The following PLCH2 variants were observed in gnomAD, a reference collection of about 807,000 sequenced individuals.
PLCH2 encodes phospholipase C eta 2.
Under a neutral mutation model 134.7 loss-of-function variants are expected in PLCH2, and 98 were observed. That is an observed-to-expected ratio of 0.73 (90% CI 0.62 to 0.86). The LOEUF is 0.86. Ranked by LOEUF, PLCH2 falls within the 40% of genes least tolerant of loss-of-function variation. The pLI, the probability that PLCH2 is intolerant of heterozygous loss-of-function variation, is 0.00. For synonymous variants in PLCH2, 974 were observed against 827.5 expected (o/e 1.18, Z -3.04); for missense variants, 1,994 against 1,986.6 (o/e 1.00, Z -0.07).
In PLCH2 at chr1:2,497,608, G is replaced by A; in HGVS notation, c.2223G>A (p.Gln741=). The change falls in exon 16 of 22, where the codon CAG becomes CAA. Residue 741 remains glutamine (Q), a splice_region_variant and synonymous_variant. Coordinates refer to ENST00000378486, the MANE Select transcript of PLCH2 (RefSeq NM_014638.4). ...GYVLKPGCMC[Q]GVFNPNSEDP... is the part of the protein sequence containing the mutation. ...TACTCAAGCCTGGGTGCATGTGCCA[G>A]GGTGAGGCACTCGGACACTCAGGGC... 1 of 1,550,880 alleles carries A rather than the reference G, an allele frequency of 6.4e-7. No homozygotes were observed. Among genetic ancestry groups the A allele is most frequent in the Non-Finnish European group, 8.7e-7 (1 of 1,145,288 alleles).
chr1:2,473,177 AAAGG>A (rs1433067750), upstream of PLCH2, among the ~76,000 whole-genome samples: 2 of 152,160 alleles, frequency 1.3e-5, no homozygotes, highest in East Asian at 3.9e-4. Context: ...CCTTGGGAAG[AAAGG>A]AAGGGGCTGC....
chr1:2,484,334 G>A (rs1333614676), intron 4 of PLCH2, 114 bp from the exon 5 acceptor site: 6 of 989,484 alleles, frequency 6.1e-6, no homozygotes, highest in Non-Finnish European at 7.6e-6. Context: ...GTGGAGTAGA[G>A]GAGGGTGGGC....
At chr1:2,463,652 G>A (rs904944732), upstream of PLCH2, among the ~76,000 whole-genome samples, 18 of 152,202 alleles carry the variant, frequency 1.2e-4, no homozygotes, top group Admixed American at 3.3e-4. Context: ...GTCAGAGCCC[G>A]CGACCCGAGA....
chr1:2,494,196 C>A (rs1570463105), intron 11 of PLCH2, among the ~76,000 whole-genome samples: 1 of 152,162 alleles, frequency 6.6e-6, no homozygotes, highest in South Asian at 2.1e-4. Flanking sequence ...CAGGTGGTGG[C>A]ACAGGCTCTG....
upstream of PLCH2, among the ~76,000 whole-genome samples, chr1:2,464,717 GATGCTGGGTGGT>G (rs1640975805): frequency 6.6e-6 from 1 of 152,230 alleles, no homozygotes; most frequent in Non-Finnish European, 1.5e-5. Flanking sequence ...ACCCCTGTGA[GATGCTGGGTGGT>G]GCCCTGCCTG....
chr1:2,432,132 G>T (rs946566406), intron 2 of PLCH2, among the ~76,000 whole-genome samples: 5 of 152,206 alleles, frequency 3.3e-5, no homozygotes, highest in Non-Finnish European at 5.9e-5. Context: ...GGCCATGGCT[G>T]CCCACAGTGA....
chr1:2,424,876 C>T (rs1466817229), upstream of PLCH2, among the ~76,000 whole-genome samples: 6 of 152,144 alleles, frequency 3.9e-5, no homozygotes, highest in Admixed American at 3.9e-4. Context: ...GTCCCAGTTA[C>T]TCGGGAGGCT....
rs944623651 is a variant in PLCH2, at chr1:2,498,217, CCA to C, written c.2225-305_2225-304del. The C allele has an allele frequency of 1.2e-5, 5 of 406,338 alleles. No individual in the cohort carries two copies. Among genetic ancestry groups the C allele is most frequent in the Non-Finnish European group, 2.2e-5 (5 of 223,558 alleles). The allele number at this position is 406,338 out of a possible 1,614,324, so 25.2% of individuals were successfully genotyped here. A position where few individuals can be genotyped will look rare whatever the true frequency, so the allele number is the denominator to read the frequency against. ...TGAGTGGGCCCTGGGGACACTGTCA[CCA>C]GAGACCCCACCCCTCATACCCCCAG... On this transcript the variant is annotated intron_variant, in intron 16 of 21. Coordinates refer to ENST00000378486, the MANE Select transcript of PLCH2 (RefSeq NM_014638.4). The surrounding 1 kb of genome is among the most constrained non-coding windows in gnomAD (Gnocchi z 5.4).
intron 5 of PLCH2, 86 bp from the exon 6 acceptor site, chr1:2,486,821 A>T: frequency 1.0e-6 from 1 of 990,060 alleles, no homozygotes; most frequent in South Asian, 1.4e-5. Context: ...AGAGACAGGC[A>T]GGGGACAGTG....
chr1:2,505,123 C>T lies in PLCH2; in HGVS notation c.4161C>T (p.His1387=), dbSNP rs367939297. Residue 1387 remains histidine, a synonymous_variant, in exon 22 of 22, where the codon CAC becomes CAT. Transcript: ENST00000378486. The part of the protein sequence containing the change: ...GTPEGACSVG[H]EGSVDAPAPS... ...CCGAGGGCGCCTGCTCCGTGGGCCACGAGGGCAGTGTGGATGCACCAGCAC... is the reference window on the plus strand; with the variant it reads ...CCGAGGGCGCCTGCTCCGTGGGCCATGAGGGCAGTGTGGATGCACCAGCAC... 1.4e-4 allele frequency: 221 copies of T among 1,550,040 alleles called. 1 individual carries two copies. In the African/African-American group the frequency reaches 2.2e-3, roughly 15 times the overall value.
Position 2,505,209 on chromosome 1 carries a change from T to C in PLCH2, c.4247T>C (p.Leu1416Pro). 6.4e-7 allele frequency: 1 copy of C among 1,568,118 alleles called. No individual in the cohort carries two copies. Among genetic ancestry groups the C allele is most frequent in the Non-Finnish European group, 8.6e-7 (1 of 1,166,612 alleles). Residue 1416 changes from leucine (L) to proline (P), a missense_variant, in exon 22 of 22, where the codon CTC becomes CCC. Physicochemically the swap from Leu to Pro is moderately conservative, Grantham distance 98 (BLOSUM62 -3). Coordinates refer to ENST00000378486, the MANE Select transcript of PLCH2 (RefSeq NM_014638.4). Reference sequence around the variant, plus strand: ...GCTGAAAACCTGGTCCTGCTCCGCCTCTGACCGTCAGTGGTGGGAACCTGG... The same window carrying C: ...GCTGAAAACCTGGTCCTGCTCCGCCCCTGACCGTCAGTGGTGGGAACCTGG... The part of the protein sequence containing the change: ...AAAENLVLLR[L>P]
upstream of PLCH2, among the ~76,000 whole-genome samples, chr1:2,472,312 A>G (rs1393105426): frequency 6.6e-6 from 1 of 152,126 alleles, no homozygotes; most frequent in Non-Finnish European, 1.5e-5. Context: ...ATCTCCAGTG[A>G]GCACTGTGGC....
At chr1:2,473,371 C>T (rs370456551), upstream of PLCH2, among the ~76,000 whole-genome samples, 27 of 152,332 alleles carry the variant, frequency 1.8e-4, no homozygotes, top group Admixed American at 3.9e-4. Flanking sequence ...CATTCCTCTG[C>T]GTGTCACCGT....
intron 4 of PLCH2, 71 bp from the exon 5 acceptor site, chr1:2,484,377 G>A: frequency 6.7e-7 from 1 of 1,489,104 alleles, no homozygotes; most frequent in South Asian, 1.2e-5. Context: ...GAGTGGGGTG[G>A]TCCTGAAGGA....
intron 1 of PLCH2, among the ~76,000 whole-genome samples, chr1:2,477,784 T>C (rs1641714501): frequency 6.6e-6 from 1 of 152,164 alleles, no homozygotes; most frequent in South Asian, 2.1e-4. Context: ...CATACTGCAG[T>C]GCAGGGCGTG....
At position 2,480,304 on chromosome 1, in the gene PLCH2, A is replaced by T; in HGVS notation, c.637A>T (p.Met213Leu). 1 of 1,612,258 alleles carries T rather than the reference A, an allele frequency of 6.2e-7. No homozygotes were observed. Among genetic ancestry groups the T allele is most frequent in the Non-Finnish European group, 8.5e-7 (1 of 1,179,586 alleles). ...CCTGCCCCGGCAGAGGGTGAAGCAG[A>T]TGTTCAGGGTGAGCTGGGGGGAGCC... ...VNLPRQRVKQMFREADTDDHQ... is the reference protein window; with the variant it reads ...VNLPRQRVKQLFREADTDDHQ... Residue 213 changes from methionine to leucine, a missense_variant, in exon 4 of 22, where the codon ATG becomes TTG. This residue lies in a region of PLCH2 where 1,094 missense variants were observed against 1,234.3 expected (regional missense o/e 0.89). Transcript: ENST00000378486.
intron 1 of PLCH2, among the ~76,000 whole-genome samples, chr1:2,470,849 C>T (rs1265185700): frequency 6.6e-6 from 1 of 152,190 alleles, no homozygotes; most frequent in East Asian, 1.9e-4. Flanking sequence ...AGCCTGGCTC[C>T]CTCTGCAGCT....
At chr1:2,428,147 G>A (rs1638889869) in intron 1 of PLCH2, among the ~76,000 whole-genome samples, 1 of 152,238 alleles carries the variant, frequency 6.6e-6, no homozygotes, top group African/African-American at 2.4e-5. Flanking sequence ...GCCTGGCCCC[G>A]AGTGACGTTG....
chr1:2,457,378 C>G (rs1475294399), intron 2 of PLCH2, among the ~76,000 whole-genome samples: 1 of 152,172 alleles, frequency 6.6e-6, no homozygotes. Context: ...GCTGCATGCT[C>G]CCAGTGGCCT....
Sources: gnomAD v4.1 joint callset for allele counts (sites outside exome capture counted in the v4.1 genomes callset) on GRCh38, gnomAD v4.1.1 for gene constraint, gnomAD v4.1.1 regional missense constraint, Gnocchi (gnomAD v3.1) non-coding constraint, MANE v1.5 for transcripts, NCBI Gene and HGNC (gene_info 2026-07-23, HGNC 2026-07-21) for gene names.